The following ACP3 variants were observed in gnomAD, a reference collection of about 807,000 sequenced individuals.
The protein encoded by ACP3 is prostatic acid phosphatase.
In ACP3, 38 loss-of-function variants were observed where a neutral mutation model predicts 45.6. That is an observed-to-expected ratio of 0.83 (90% CI 0.64 to 1.09). The LOEUF (loss-of-function observed/expected upper bound fraction) is 1.09, where lower values mean the gene tolerates loss of function less well. ACP3 is among the 50% of genes least tolerant of loss of function. The pLI is 0.00. For synonymous variants in ACP3, 162 were observed against 164.7 expected, an observed-to-expected ratio of 0.98 and a Z score of 0.13; for missense variants, 466 against 463.2, an observed-to-expected ratio of 1.01 and a Z score of -0.05.
intron 1 of ACP3, among the ~76,000 whole-genome samples, chr3:132,326,139 A>G (rs1937294752): frequency 6.6e-6 from 1 of 151,978 alleles, no homozygotes; most frequent in Admixed American, 6.6e-5. Flanking sequence ...ACAGCTGGGG[A>G]ATGTTACTGG....
intron 8 of ACP3, 70 bp downstream of exon 8, chr3:132,350,072 T>A: frequency 9.0e-7 from 1 of 1,115,894 alleles, no homozygotes; most frequent in Non-Finnish European, 1.3e-6. Context: ...CAGGACCTCA[T>A]CTTTTTTTAA....
intron 10 of ACP3, among the ~76,000 whole-genome samples, chr3:132,364,423 T>C (rs1938096281): frequency 6.6e-6 from 1 of 152,200 alleles, no homozygotes; most frequent in Non-Finnish European, 1.5e-5. Flanking sequence ...AAGCCTGTAT[T>C]CCAGTCATGT....
chr3:132,326,757 G>A (rs1937305052), intron 1 of ACP3, among the ~76,000 whole-genome samples: 1 of 152,296 alleles, frequency 6.6e-6, no homozygotes, highest in South Asian at 2.1e-4. Context: ...AATTTCAAAA[G>A]AGCAGGTTCT....
intron 9 of ACP3, among the ~76,000 whole-genome samples, chr3:132,355,346 G>A (rs1213895073): frequency 2.0e-5 from 3 of 152,160 alleles, no homozygotes; most frequent in African/African-American, 7.2e-5. Context: ...GAGTTTGATG[G>A]AGTATTGGTC....
At chr3:132,358,861 T>G (rs192146039), downstream of ACP3, 85 of 984,862 alleles carry the variant, frequency 8.6e-5, no homozygotes, top group East Asian at 7.8e-3. Context: ...GTGTTTGGGG[T>G]TTTTGTTTTA....
In ACP3 at chr3:132,357,771, C is replaced by A; in HGVS notation, c.*893C>A. 5.1e-5 allele frequency: 50 copies of A among 983,940 alleles called. No homozygotes were observed. Among genetic ancestry groups the A allele is most frequent in the Non-Finnish European group, 5.9e-5 (49 of 828,658 alleles). 61.0% of individuals were successfully genotyped at this position (983,940 alleles called of 1,614,324 possible). On this transcript the variant is annotated 3_prime_UTR_variant, in exon 10 of 10. Transcript: ENST00000336375. The stretch of plus-strand genomic sequence containing the variant: ...ATTTAAGGCCAGGCATGGTGGTTTA[C>A]GCCTATAATCCCAGCATTTTGGGAG...
At chr3:132,320,117 T>C (rs309989) in intron 1 of ACP3, among the ~76,000 whole-genome samples, 2,854 of 152,276 alleles carry the variant, frequency 0.019, 86 homozygotes, top group African/African-American at 0.065. Context: ...AAAGGTCTCT[T>C]TAATGCAGTA....
At chr3:132,319,276 A>T (rs1937162266) in intron 1 of ACP3, among the ~76,000 whole-genome samples, 1 of 152,238 alleles carries the variant, frequency 6.6e-6, no homozygotes, top group Non-Finnish European at 1.5e-5. Context: ...GTTAATTTAT[A>T]CAAATGAGAT....
intron 1 of ACP3, among the ~76,000 whole-genome samples, chr3:132,322,226 T>G (rs890627590): frequency 1.3e-5 from 2 of 152,200 alleles, no homozygotes; most frequent in African/African-American, 4.8e-5. Context: ...CTTCCCTTAT[T>G]TGCAGGCCTC....
chr3:132,320,204 A>G (rs1294703924), intron 1 of ACP3, among the ~76,000 whole-genome samples: 1 of 152,222 alleles, frequency 6.6e-6, no homozygotes, highest in Non-Finnish European at 1.5e-5. Flanking sequence ...CTCTGTTTTC[A>G]AAATTTTGAT....
intron 5 of ACP3, among the ~76,000 whole-genome samples, chr3:132,342,195 A>G (rs894176753): frequency 6.6e-6 from 1 of 152,262 alleles, no homozygotes; most frequent in Non-Finnish European, 1.5e-5. Context: ...GCCAGCATCT[A>G]TCTACATTTT....
downstream of ACP3, among the ~76,000 whole-genome samples, chr3:132,361,981 A>T (rs528882219): frequency 3.3e-5 from 5 of 152,206 alleles, no homozygotes; most frequent in East Asian, 9.7e-4. Context: ...TCATCAAAAC[A>T]CCATCAAGTG....
intron 7 of ACP3, among the ~76,000 whole-genome samples, chr3:132,346,618 A>G (rs556376395): frequency 6.6e-6 from 1 of 152,342 alleles, no homozygotes; most frequent in African/African-American, 2.4e-5. Flanking sequence ...AAGAAGCTCA[A>G]TCTTAAGTGC....
intron 1 of ACP3, among the ~76,000 whole-genome samples, chr3:132,318,164 G>A (rs1937142959): frequency 6.6e-6 from 1 of 152,204 alleles, no homozygotes; most frequent in Non-Finnish European, 1.5e-5. Flanking sequence ...GGTGGCTGAT[G>A]CATAATATCA....
chr3:132,358,349 T>C lies in ACP3; in HGVS notation c.*1471T>C, dbSNP rs1261538908. ...TTGAGAGTGTGGTTACGAAATACGT[T>C]AGGAGGACAAAAGGAATGTGTAAGT... On this transcript the variant is annotated 3_prime_UTR_variant, in exon 10 of 10. Coordinates refer to ENST00000336375, the MANE Select transcript of ACP3 (RefSeq NM_001099.5). The C allele has an allele frequency of 1.7e-6, 2 of 1,151,932 alleles. No homozygotes were observed. The highest frequency in any genetic ancestry group is 1.6e-5 in the African/African-American group (1 of 62,722). 71.4% of individuals were successfully genotyped at this position (1,151,932 alleles called of 1,614,324 possible). A position where few individuals can be genotyped will look rare whatever the true frequency, so the allele number is the denominator to read the frequency against.
intron 1 of ACP3, among the ~76,000 whole-genome samples, chr3:132,324,797 C>T (rs113726481): frequency 1.6e-4 from 24 of 152,118 alleles, no homozygotes; most frequent in Non-Finnish European, 3.2e-4. Context: ...CATGCGCCAC[C>T]ACACCCAGCT....
intron 4 of ACP3, among the ~76,000 whole-genome samples, chr3:132,334,098 C>G (rs1455603717): frequency 6.6e-6 from 1 of 152,028 alleles, no homozygotes; most frequent in Non-Finnish European, 1.5e-5. Flanking sequence ...CAAAACAAAA[C>G]AAAGACTGGA....
At chr3:132,362,918 G>C (rs1256301952), downstream of ACP3, among the ~76,000 whole-genome samples, 1 of 152,188 alleles carries the variant, frequency 6.6e-6, no homozygotes, top group Non-Finnish European at 1.5e-5. Flanking sequence ...GCAGAGGACA[G>C]ATGCTGTAAC....
chr3:132,317,820 T>C (rs1477150173), intron 1 of ACP3, among the ~76,000 whole-genome samples: 1 of 152,248 alleles, frequency 6.6e-6, no homozygotes, highest in Non-Finnish European at 1.5e-5. Flanking sequence ...TTGCTGATGT[T>C]ATTTATTTAC....
Sources: gnomAD v4.1 joint callset for allele counts (sites outside exome capture counted in the v4.1 genomes callset) on GRCh38, gnomAD v4.1.1 for gene constraint, MANE v1.5 for transcripts, NCBI Gene and HGNC (gene_info 2026-07-23, HGNC 2026-07-21) for gene names.